The following MUC22 variants were observed in gnomAD, a reference collection of about 807,000 sequenced individuals.
The protein encoded by MUC22 is mucin 22.
A neutral mutation model predicts 40.3 loss-of-function variants in MUC22; 24 were observed. That is an observed-to-expected ratio of 0.60 (90% CI 0.43 to 0.84). The LOEUF (loss-of-function observed/expected upper bound fraction) is 0.84, where lower values mean the gene tolerates loss of function less well. Ranked by LOEUF, MUC22 falls within the 40% of genes least tolerant of loss-of-function variation. The pLI, the probability that MUC22 is intolerant of heterozygous loss-of-function variation, is 0.00. For synonymous variants in MUC22, 765 were observed against 844.5 expected (o/e 0.91, Z 1.63); for missense variants, 1,926 against 2,130.7 (o/e 0.90, Z 1.89).
chr6:31,008,552 CTTTT>C (rs10632347), upstream of MUC22, among the ~76,000 whole-genome samples: 1 of 140,068 alleles, frequency 7.1e-6, no homozygotes. Flanking sequence ...CTTTTTCTTT[CTTTT>C]TTTTTTTTTT....
At chr6:31,016,751 G>A (rs1363178740) in intron 1 of MUC22, among the ~76,000 whole-genome samples, 2 of 152,240 alleles carry the variant, frequency 1.3e-5, no homozygotes, top group Non-Finnish European at 1.5e-5. Flanking sequence ...TGGGCTGGCC[G>A]AGGCCGGAGC....
exon 4 of MUC22, chr6:31,034,858 G>A (rs1181897344): frequency 2.6e-6 from 4 of 1,535,472 alleles, no homozygotes; most frequent in East Asian, 2.4e-5. Context: ...ATATGGAGTG[G>A]GCCATGGACT....
chr6:31,022,488 G>C (rs929257562), intron 1 of MUC22, among the ~76,000 whole-genome samples: 1 of 151,854 alleles, frequency 6.6e-6, no homozygotes, highest in Non-Finnish European at 1.5e-5. Flanking sequence ...AAGTTCTTCA[G>C]GAAGAAAAAA....
rs115275057 is a variant in MUC22, at chr6:31,012,400, C to G, written c.70+1624C>G. On this transcript the variant is annotated intron_variant, in intron 1 of 3. Transcript: ENST00000561890. ...CTCTACCTACCCATGCCTTCCAGAT[C>G]TGCCCGTCGCCTGTCCTAATCCTGA... is the stretch of plus-strand genomic sequence containing the variant. Among the ~76,000 whole-genome samples the G allele has an allele frequency of 7.7e-3, 1,166 of 152,276 alleles. 13 individuals carry two copies. Among genetic ancestry groups the G allele is most frequent in the African/African-American group, 0.026 (1,083 of 41,554 alleles).
chr6:31,029,939 T>G, exon 2 of MUC22: 1 of 1,512,002 alleles, frequency 6.6e-7, no homozygotes, highest in Non-Finnish European at 8.8e-7. Flanking sequence ...ACTGCAAGCT[T>G]GGAGCCCACT....
rs537423442 is a variant in MUC22, at chr6:31,029,959, C to T, written c.4528C>T (p.Leu1510Phe). 5.3e-6 allele frequency: 8 copies of T among 1,515,442 alleles called. No individual in the cohort carries two copies. Among genetic ancestry groups the T allele is most frequent in the Non-Finnish European group, 7.0e-6 (8 of 1,137,364 alleles). 93.9% of individuals were successfully genotyped at this position (1,515,442 alleles called of 1,614,324 possible). ...AAGCTTGGAGCCCACTGCAACTTCC[C>T]TCACAGGCTCTGAGACCACCACAGT... is the stretch of plus-strand genomic sequence containing the variant. Residue 1510 changes from leucine to phenylalanine, a missense_variant, in exon 2 of 4, where the codon CTC becomes TTC. Physicochemically the swap from Leu to Phe is conservative, Grantham distance 22. Around this residue, in one of 3 missense-constraint regions of MUC22, gnomAD observed 610 missense variants for 714.6 expected, o/e 0.85. Coordinates refer to ENST00000561890, the Ensembl canonical transcript of MUC22.
chr6:31,031,029 A>G (rs1421232472), intron 2 of MUC22, among the ~76,000 whole-genome samples: 21 of 152,228 alleles, frequency 1.4e-4, no homozygotes, highest in Non-Finnish European at 1.3e-4. Context: ...GAGACCAAAC[A>G]ATTTTGTTCA....
chr6:31,028,774 A>T (rs1765696277), exon 2 of MUC22: 1 of 1,533,474 alleles, frequency 6.5e-7, no homozygotes, highest in Non-Finnish European at 8.7e-7. Context: ...AGGCTCTGAG[A>T]CCACCACAGC....
chr6:31,026,756 C>A (rs1284340015), exon 2 of MUC22: 2 of 1,507,300 alleles, frequency 1.3e-6, no homozygotes, highest in African/African-American at 1.4e-5. Context: ...CCCTCTACTG[C>A]AGGCTCAGAG....
intron 3 of MUC22, among the ~76,000 whole-genome samples, chr6:31,033,908 C>T (rs933859163): frequency 7.2e-5 from 11 of 152,166 alleles, no homozygotes; most frequent in Non-Finnish European, 1.6e-4. Flanking sequence ...AATTCTCAGC[C>T]TCTCTCCGTA....
chr6:31,020,341 AC>A (rs1764580932), intron 1 of MUC22, among the ~76,000 whole-genome samples: 2 of 152,170 alleles, frequency 1.3e-5, no homozygotes, highest in Non-Finnish European at 1.5e-5. Context: ...TACTTTATCA[AC>A]CTAGAATTAC....
intron 1 of MUC22, among the ~76,000 whole-genome samples, chr6:31,017,043 G>C (rs926172772): frequency 8.3e-4 from 126 of 152,338 alleles, no homozygotes; most frequent in African/African-American, 2.8e-3. Context: ...TGAGGGGCAC[G>C]GCTTGGGACC....
At chr6:31,033,292 T>A in intron 3 of MUC22, among the ~76,000 whole-genome samples, 60 of 132,022 alleles carry the variant, frequency 4.5e-4, no homozygotes, top group Middle Eastern at 3.8e-3. Context: ...AGAAAGAAAC[T>A]GAGAGAGAAA....
At chr6:31,027,013 G>T in exon 2 of MUC22, 1 of 1,493,070 alleles carries the variant, frequency 6.7e-7, no homozygotes, top group Non-Finnish European at 8.9e-7. Context: ...GACTACCACA[G>T]CCTCTACTAC....
At chr6:31,007,313 T>C (rs2523921), upstream of MUC22, among the ~76,000 whole-genome samples, 22,507 of 152,222 alleles carry the variant, frequency 0.15, 1,744 homozygotes, top group Admixed American at 0.2. This position sits in a 1 kb window ranked among gnomAD's most constrained non-coding sequence, Gnocchi z 4.0. Flanking sequence ...CTTAAGCAGC[T>C]GTAGGAGAGA....
At chr6:31,025,545 C>A (rs1406592657) in exon 2 of MUC22, 1 of 1,524,866 alleles carries the variant, frequency 6.6e-7, no homozygotes, top group African/African-American at 1.4e-5. Flanking sequence ...CCGACACCAC[C>A]ACAGCCTCCA....
chr6:31,026,304 T>TTC lies in MUC22; in HGVS notation c.873_874insTC (p.Thr292SerfsTer19), dbSNP rs1765329767. The stretch of plus-strand genomic sequence containing the variant: ...AAGCCTCTGAGACCACCACAGCCTC[T>TTC]ACAGCAGGTTCTGAGACCACCACCC... On this transcript the variant is annotated frameshift_variant, in exon 2 of 4. Transcript: ENST00000561890. LOFTEE classifies it high-confidence loss of function. 4.2e-6 allele frequency: 6 copies of TTC among 1,428,070 alleles called. 1 individual carries two copies. Among genetic ancestry groups the TTC allele is most frequent in the Admixed American group, 2.2e-5 (1 of 45,534 alleles). 88.5% of individuals were successfully genotyped at this position (1,428,070 alleles called of 1,614,324 possible).
At position 31,032,095 on chromosome 6, in the gene MUC22, C is replaced by A. The variant is rs947122112; in HGVS notation, c.4670-101C>A. ...CCACACCTCTCCTGAGCCACCTCCA[C>A]CATAGGTTTGTTAGATTCACCCTCC... On this transcript the variant is annotated intron_variant, in intron 2 of 3. Coordinates refer to ENST00000561890, the Ensembl canonical transcript of MUC22. This position sits in a 1 kb window ranked among gnomAD's most constrained non-coding sequence, Gnocchi z 4.1. 3 of 1,331,288 alleles carry A rather than the reference C, an allele frequency of 2.3e-6. No homozygotes were observed. Among genetic ancestry groups the A allele is most frequent in the African/African-American group, 2.9e-5 (2 of 67,892 alleles). 82.5% of individuals were successfully genotyped at this position (1,331,288 alleles called of 1,614,324 possible).
At position 31,032,248 on chromosome 6, in the gene MUC22, C is replaced by T. The variant is rs1207242862; in HGVS notation, c.4722C>T (p.Ala1574=). The T allele has an allele frequency of 1.3e-6, 2 of 1,535,632 alleles. No homozygotes were observed. The highest frequency in any genetic ancestry group is 1.7e-6 in the Non-Finnish European group (2 of 1,146,882). Reference sequence around the variant, plus strand: ...CTGCCTCCAGCTCTGTCACCATGGCCCCTGGAATGGACTTCACGGCCTCTG... The same window carrying T: ...CTGCCTCCAGCTCTGTCACCATGGCTCCTGGAATGGACTTCACGGCCTCTG... The change falls in exon 3 of 4, where the codon GCC becomes GCT. Residue 1574 remains alanine, a synonymous_variant. Transcript: ENST00000561890. The surrounding 1 kb of genome is among the most constrained non-coding windows in gnomAD (Gnocchi z 4.1).
Sources: allele counts gnomAD v4.1 joint callset (sites outside exome capture counted in the v4.1 genomes callset), GRCh38; gene constraint gnomAD v4.1.1; regional missense constraint gnomAD v4.1.1; non-coding constraint Gnocchi (gnomAD v3.1); transcripts MANE v1.5; gene names NCBI Gene and HGNC (gene_info 2026-07-23, HGNC 2026-07-21).